Variants in CELSR1 observed in about 807,000 individuals in gnomAD.
CELSR1 encodes adhesion G protein-coupled receptor C1.
CELSR1 carries 110 observed loss-of-function variants against 249.1 expected under a neutral mutation model. That is an observed-to-expected ratio of 0.44 (90% CI 0.38 to 0.52). The LOEUF (loss-of-function observed/expected upper bound fraction) is 0.52, where lower values mean the gene tolerates loss of function less well. CELSR1 is among the 20% of genes least tolerant of loss of function. The probability of loss-of-function intolerance (pLI) is 0.00; values close to 1 mark genes in which losing one functional copy is unlikely to be tolerated. For missense variants in CELSR1, 4,109 were observed against 4,296.4 expected (o/e 0.96, Z 1.22); for synonymous variants, 2,113 against 1,900.0 (o/e 1.11, Z -2.92).
intron 24 of CELSR1, 78 bp from the exon 25 acceptor site, chr22:46,373,135 G>C: frequency 7.0e-7 from 1 of 1,422,026 alleles, no homozygotes; most frequent in Non-Finnish European, 9.4e-7. Context: ...AGGGGTGGGG[G>C]ATGGGAGAGC....
chr22:46,483,134 A>G (rs2080282352), intron 1 of CELSR1, among the ~76,000 whole-genome samples: 2 of 152,228 alleles, frequency 1.3e-5, no homozygotes, highest in South Asian at 4.1e-4. Context: ...AGGATCATTC[A>G]AAATCATGTT....
At chr22:46,513,885 G>A (rs998299066) in intron 1 of CELSR1, among the ~76,000 whole-genome samples, 7 of 151,562 alleles carry the variant, frequency 4.6e-5, no homozygotes, top group East Asian at 3.9e-4. Flanking sequence ...TCTGCCTCCC[G>A]GGGTTCACGC....
rs1164834612 is a variant in CELSR1, at chr22:46,437,640, A to G, written c.4407-1351T>C. On this transcript the variant is annotated intron_variant, in intron 3 of 34. Coordinates refer to ENST00000674500, the MANE Select transcript of CELSR1 (RefSeq NM_001378328.1). This position sits in a 1 kb window ranked among gnomAD's most constrained non-coding sequence, Gnocchi z 4.9. ...GTGGTGGGCACCTGTAATCCCAGCT[A>G]CTCAAGAGGTTGAGGCAGGAGAATT... 6.6e-6 allele frequency among the ~76,000 whole-genome samples: 1 copy of G among 151,748 alleles called. No homozygotes were observed. Among genetic ancestry groups the G allele is most frequent in the African/African-American group, 2.4e-5 (1 of 41,248 alleles).
chr22:46,491,471 G>T (rs1217753835), intron 1 of CELSR1, among the ~76,000 whole-genome samples: 2 of 151,846 alleles, frequency 1.3e-5, no homozygotes, highest in Admixed American at 6.6e-5. Flanking sequence ...CACCATATTG[G>T]CCAGGCTGGT....
In CELSR1 at chr22:46,410,501, G is replaced by A. The variant is rs2079321101; in HGVS notation, c.4830C>T (p.Phe1610=). Residue 1610 remains phenylalanine (F), a synonymous_variant, in exon 7 of 35, where the codon TTC becomes TTT. Coordinates refer to ENST00000674500, the MANE Select transcript of CELSR1 (RefSeq NM_001378328.1). This position sits in a 1 kb window ranked among gnomAD's most constrained non-coding sequence, Gnocchi z 6.8. ...CCACGAACTGCCGGTTGTGCACTGG[G>A]AAGTCTTCTGGCAGGTTGGGGACAC... The part of the protein sequence containing the change: ...LGGVPNLPED[F]PVHNRQFVGC... The A allele has an allele frequency of 3.7e-6, 6 of 1,614,128 alleles. No individual in the cohort carries two copies. Among genetic ancestry groups the A allele is most frequent in the Non-Finnish European group, 5.1e-6 (6 of 1,180,034 alleles).
intron 28 of CELSR1, 150 bp from the exon 29 acceptor site, chr22:46,367,268 G>A (rs1231933103): frequency 2.6e-6 from 3 of 1,139,244 alleles, no homozygotes; most frequent in African/African-American, 1.6e-5. Flanking sequence ...CCCTCCTCAG[G>A]GACTGCTGCT....
intron 1 of CELSR1, among the ~76,000 whole-genome samples, chr22:46,513,722 C>A (rs2080597125): frequency 6.6e-6 from 1 of 152,146 alleles, no homozygotes; most frequent in Non-Finnish European, 1.5e-5. Context: ...GCGCAGAGAG[C>A]CTCCTAATAA....
chr22:46,473,090 C>T lies in CELSR1; in HGVS notation c.3545-8745G>A, dbSNP rs754528888. ...CGGAGGCAGGGGGTGGGTGAACCTCCGACTGCTGCCGGCCTCGTGGGCTCT... is the reference window on the plus strand; with the variant it reads ...CGGAGGCAGGGGGTGGGTGAACCTCTGACTGCTGCCGGCCTCGTGGGCTCT... On this transcript the variant is annotated intron_variant, in intron 1 of 34. Transcript: ENST00000674500. This position sits in a 1 kb window ranked among gnomAD's most constrained non-coding sequence, Gnocchi z 6.6. Among the ~76,000 whole-genome samples, 16 of 152,148 alleles carry T rather than the reference C, an allele frequency of 1.1e-4. No individual in the cohort carries two copies. The highest frequency in any genetic ancestry group is 4.4e-5 in the Non-Finnish European group (3 of 67,996).
intron 1 of CELSR1, among the ~76,000 whole-genome samples, chr22:46,494,036 T>G (rs1244461348): frequency 6.6e-6 from 1 of 152,108 alleles, no homozygotes; most frequent in African/African-American, 2.4e-5. Context: ...ATGAAACAGA[T>G]TCAGAAAAAA....
At position 46,423,098 on chromosome 22, in the gene CELSR1, C is replaced by T. The variant is rs1427885951; in HGVS notation, c.4611+10295G>A. ...AGGACACGAGATAAGGCCTGGAAAGCACCGTGCACTGGGACTCGCCCTCTC... is the reference window on the plus strand; with the variant it reads ...AGGACACGAGATAAGGCCTGGAAAGTACCGTGCACTGGGACTCGCCCTCTC... On this transcript the variant is annotated intron_variant, in intron 5 of 34. Transcript: ENST00000674500. The surrounding 1 kb of genome is among the most constrained non-coding windows in gnomAD (Gnocchi z 5.6). Among the ~76,000 whole-genome samples, 1 of 152,160 alleles carries T rather than the reference C, an allele frequency of 6.6e-6. No individual in the cohort carries two copies. The highest frequency in any genetic ancestry group is 2.4e-5 in the African/African-American group (1 of 41,444).
chr22:46,365,515 A>G (rs2078759029), intron 31 of CELSR1, 71 bp downstream of exon 31: 1 of 1,537,518 alleles, frequency 6.5e-7, no homozygotes, highest in Non-Finnish European at 8.8e-7. Context: ...CTTCAGGGGC[A>G]GTCTGTCCAG....
At chr22:46,525,709 C>T (rs923806981) in intron 1 of CELSR1, among the ~76,000 whole-genome samples, 2 of 152,242 alleles carry the variant, frequency 1.3e-5, no homozygotes, top group East Asian at 1.9e-4. Context: ...CCCGTGGCAC[C>T]GGGCCACAGG....
In CELSR1 at chr22:46,367,036, A is replaced by C. The variant is rs766314777; in HGVS notation, c.8162T>G (p.Leu2721Arg). 30 of 1,610,822 alleles carry C rather than the reference A, an allele frequency of 1.9e-5. No homozygotes were observed. Among genetic ancestry groups the C allele is most frequent in the Non-Finnish European group, 2.5e-5 (30 of 1,179,556 alleles). ...HLKGVLGGRKLHLEDSATTRA... is the reference protein window; with the variant it reads ...HLKGVLGGRKRHLEDSATTRA... ...GGTGGTGGCGGAGTCCTCCAGGTGC[A>C]GCTTCCTCCCGCCGAGCACGCCCTT... is the stretch of plus-strand genomic sequence containing the variant. The change falls in exon 29 of 35, where the codon CTG becomes CGG. Residue 2721 changes from leucine to arginine, a missense_variant. Physicochemically the swap from Leu to Arg is moderately radical, Grantham distance 102. Transcript: ENST00000674500.
At chr22:46,470,896 G>A (rs1294189001) in intron 1 of CELSR1, among the ~76,000 whole-genome samples, 1 of 152,148 alleles carries the variant, frequency 6.6e-6, no homozygotes, top group African/African-American at 2.4e-5. Context: ...AGGCCGAGGT[G>A]GGCGGATCAC....
rs148406706 is a variant in CELSR1, at chr22:46,443,235, C to T, written c.4184-3824G>A. 4.9e-3 allele frequency among the ~76,000 whole-genome samples: 747 copies of T among 152,352 alleles called. 6 individuals are homozygous for T. The highest frequency in any genetic ancestry group is 0.017 in the African/African-American group (704 of 41,574). On this transcript the variant is annotated intron_variant, in intron 2 of 34. Transcript: ENST00000674500. ...ATTTCATGAGCATGCACGGCCTCCA[C>T]GCCAGTAACCCCGAGGGCTCACAGG...
At chr22:46,392,559 G>GT (rs375433380) in intron 14 of CELSR1, among the ~76,000 whole-genome samples, 169 of 149,530 alleles carry the variant, frequency 1.1e-3, no homozygotes, top group African/African-American at 3.6e-3. Flanking sequence ...GTATAACTTT[G>GT]TTTTTTTATT....
chr22:46,503,991 C>T (rs1158179208), intron 1 of CELSR1, among the ~76,000 whole-genome samples: 1 of 152,062 alleles, frequency 6.6e-6, no homozygotes, highest in Non-Finnish European at 1.5e-5. Flanking sequence ...TATGACAGTA[C>T]CATGCACTCC....
Position 46,369,208 on chromosome 22 carries a change from C to T in CELSR1, c.7923G>A (p.Lys2641=). The stretch of plus-strand genomic sequence containing the variant: ...TCCCTTTTTTCCCATAATAATGGTG[C>T]TTTCTTTGGCAGGAAACCTTTGCAG... ...VLSAKVSCQR[K]HHYYGKKGIV... is the part of the protein sequence containing the mutation. Residue 2641 remains lysine (K), a synonymous_variant, in exon 27 of 35, where the codon AAG becomes AAA. Transcript: ENST00000674500. 1.2e-6 allele frequency: 2 copies of T among 1,614,144 alleles called. No homozygotes were observed. The highest frequency in any genetic ancestry group is 1.7e-6 in the Non-Finnish European group (2 of 1,179,990).
At chr22:46,508,667 C>G (rs1182967016) in intron 1 of CELSR1, among the ~76,000 whole-genome samples, 1 of 152,150 alleles carries the variant, frequency 6.6e-6, no homozygotes, top group African/African-American at 2.4e-5. Context: ...CACCCCATGG[C>G]GCGTCGCCTT....
Sources: allele counts gnomAD v4.1 joint callset (sites outside exome capture counted in the v4.1 genomes callset), GRCh38; gene constraint gnomAD v4.1.1; non-coding constraint Gnocchi (gnomAD v3.1); transcripts MANE v1.5; gene names NCBI Gene and HGNC (gene_info 2026-07-23, HGNC 2026-07-21).